DAZL: variants seen among roughly 807,000 people sequenced by gnomAD.
The protein encoded by DAZL is deleted in azoospermia-like.
In DAZL, 4 loss-of-function variants were observed where a neutral mutation model predicts 45.0. The ratio of observed to expected loss-of-function variants is 0.09; its 90% CI spans 0.04 to 0.20. DAZL has a LOEUF of 0.20. Among genes scored for constraint, DAZL ranks in the 10% least tolerant of loss-of-function variants. The pLI is 1.00. For missense variants in DAZL, 326 were observed against 351.3 expected (o/e 0.93, Z 0.58); for synonymous variants, 122 against 112.4 (o/e 1.09, Z -0.54).
At chr3:16,604,211 G>A (rs535618841) in intron 1 of DAZL, among the ~76,000 whole-genome samples, 8 of 152,238 alleles carry the variant, frequency 5.3e-5, no homozygotes, top group South Asian at 2.1e-4. Context: ...CACACACACA[G>A]CATGTAATAC....
chr3:16,589,623 T>C (rs1694487996), intron 10 of DAZL, among the ~76,000 whole-genome samples: 1 of 152,154 alleles, frequency 6.6e-6, no homozygotes, highest in African/African-American at 2.4e-5. Context: ...TCAAATTCAA[T>C]ACAACAACAT....
chr3:16,588,425 T>C lies in DAZL; in HGVS notation c.*235A>G, dbSNP rs188447697. The C allele has an allele frequency of 5.2e-3, 1,856 of 358,670 alleles. 84 individuals carry two copies. The Admixed American group carries it at 0.067, about 13-fold the overall frequency. 22.2% of individuals were successfully genotyped at this position (358,670 alleles called of 1,614,324 possible). ...AAAATCCTTGCAGATAAATCTTAGTTTCTTTCAGTCTCAATTATTTTTTTA... is the reference window on the plus strand; with the variant it reads ...AAAATCCTTGCAGATAAATCTTAGTCTCTTTCAGTCTCAATTATTTTTTTA... On this transcript the variant is annotated 3_prime_UTR_variant, in exon 11 of 11. Transcript: ENST00000399444.
At chr3:16,591,910 TG>T in intron 10 of DAZL, 139 bp downstream of exon 10, 1 of 957,498 alleles carries the variant, frequency 1.0e-6, no homozygotes, top group Non-Finnish European at 1.6e-6. Flanking sequence ...AAACCCACTC[TG>T]GTTTACTGTG....
Position 16,601,898 on chromosome 3 carries a change from C to T in DAZL, c.4-3300G>A, listed in dbSNP as rs896427836. ...AATTATTATGTAACTCCTGGGATGT[C>T]AGCTTCTTTCACAGTATTATCTAAT... On this transcript the variant is annotated intron_variant, in intron 1 of 10. Transcript: ENST00000399444. Among the ~76,000 whole-genome samples, 3 of 152,310 alleles carry T rather than the reference C, an allele frequency of 2.0e-5. No homozygotes were observed. In the South Asian group the frequency reaches 6.2e-4, roughly 32 times the overall value.
rs912128999 is a variant in DAZL at position 16,596,743 on chromosome 3, T to C, written c.498+7A>G. The C allele has an allele frequency of 6.2e-7, 1 of 1,613,518 alleles. No individual in the cohort carries two copies. Among genetic ancestry groups the C allele is most frequent in the Non-Finnish European group, 8.5e-7 (1 of 1,179,528 alleles). On this transcript the variant is annotated splice_region_variant and intron_variant, in intron 6 of 10. Coordinates refer to ENST00000399444, the MANE Select transcript of DAZL (RefSeq NM_001351.4). ...ACAAGAGAATAGGAACGTTAAGCAA[T>C]TCTTACCTGAACATACTGAGTTATA...
At chr3:16,589,692 G>A (rs1294803313) in intron 10 of DAZL, among the ~76,000 whole-genome samples, 2 of 152,002 alleles carry the variant, frequency 1.3e-5, no homozygotes, top group African/African-American at 2.4e-5. Context: ...CTTCTGATTC[G>A]TCTCCCAAAC....
chr3:16,604,982 C>T (rs1026210788), intron 1 of DAZL, among the ~76,000 whole-genome samples: 1 of 152,244 alleles, frequency 6.6e-6, no homozygotes, highest in Non-Finnish European at 1.5e-5. Flanking sequence ...CCACCCCCAC[C>T]TTGCCGCCCT....
In DAZL at chr3:16,593,776, T is replaced by TA; in HGVS notation, c.622-9dup. On this transcript the variant is annotated splice_polypyrimidine_tract_variant and intron_variant, in intron 8 of 10. Transcript: ENST00000399444. ...GTTAACAGCTGAATAAGCCTATATT[T>TA]AAAATAATGAAAGTGTAATTAAACA... is the stretch of plus-strand genomic sequence containing the variant. 6.4e-7 allele frequency: 1 copy of TA among 1,562,072 alleles called. No individual in the cohort carries two copies. The highest frequency in any genetic ancestry group is 8.8e-7 in the Non-Finnish European group (1 of 1,134,934).
At chr3:16,604,693 TAAG>T (rs1694747999) in intron 1 of DAZL, 1 of 1,354,954 alleles carries the variant, frequency 7.4e-7, no homozygotes, top group Non-Finnish European at 9.4e-7. Context: ...CCTCGAAGTT[TAAG>T]AAGGCAAGTC....
Position 16,592,270 on chromosome 3 carries a change from A to G in DAZL, c.736-122T>C, listed in dbSNP as rs555321632. On this transcript the variant is annotated intron_variant, in intron 9 of 10. Transcript: ENST00000399444. The stretch of plus-strand genomic sequence containing the variant: ...TTCTAAAGAAATGCAAAAAATGCTA[A>G]AAGAGACTGGGAGTGGTGGCTCACG... The G allele has an allele frequency of 3.5e-6, 5 of 1,440,866 alleles. 1 individual carries two copies. The highest frequency in any genetic ancestry group is 1.4e-5 in the African/African-American group (1 of 69,758). 89.3% of individuals were successfully genotyped at this position (1,440,866 alleles called of 1,614,324 possible).
At chr3:16,598,023 T>G (rs1010275891) in intron 3 of DAZL, 64 bp downstream of exon 3, 3 of 1,374,820 alleles carry the variant, frequency 2.2e-6, no homozygotes, top group African/African-American at 1.4e-5. Flanking sequence ...AATACCAATT[T>G]TGAAGTCTTC....
chr3:16,600,154 CA>C (rs1694661289), intron 1 of DAZL, among the ~76,000 whole-genome samples: 1 of 151,880 alleles, frequency 6.6e-6, no homozygotes, highest in South Asian at 2.1e-4. Flanking sequence ...AAGGTAACTA[CA>C]AAAAGCTGCA....
intron 4 of DAZL, 105 bp downstream of exon 4, chr3:16,597,385 C>T (rs978826528): frequency 1.1e-6 from 1 of 874,520 alleles, no homozygotes; most frequent in Admixed American, 2.0e-5. Flanking sequence ...TTTTTTTGAC[C>T]AGAAAGTGTA....
At chr3:16,604,051 C>T (rs1189917155) in intron 1 of DAZL, among the ~76,000 whole-genome samples, 3 of 152,138 alleles carry the variant, frequency 2.0e-5, no homozygotes, top group African/African-American at 7.2e-5. Context: ...TTACTTACAA[C>T]TCAAGGTGAT....
chr3:16,598,035 C>CT, intron 3 of DAZL, 52 bp downstream of exon 3: 2 of 1,421,646 alleles, frequency 1.4e-6, no homozygotes, highest in Non-Finnish European at 9.8e-7. Flanking sequence ...GAAGTCTTCT[C>CT]TGATACTCTA....
intron 9 of DAZL, 27 bp from the exon 10 acceptor site, chr3:16,592,175 TAA>T (rs1166541897): frequency 6.2e-7 from 1 of 1,607,774 alleles, no homozygotes; most frequent in South Asian, 1.1e-5. Context: ...TTCAGTAATG[TAA>T]AGACGACTCT....
chr3:16,596,630 ATCAC>A (rs1442312081), intron 6 of DAZL, 116 bp downstream of exon 6: 3 of 1,083,706 alleles, frequency 2.8e-6, no homozygotes, highest in Non-Finnish European at 2.8e-6. Context: ...TAAATTTCCC[ATCAC>A]TCAAAGTATT....
At chr3:16,596,070 T>A (rs147150661) in intron 6 of DAZL, among the ~76,000 whole-genome samples, 4 of 152,118 alleles carry the variant, frequency 2.6e-5, no homozygotes, top group Non-Finnish European at 5.9e-5. Context: ...ACATTTCAAG[T>A]ACATGGAAAA....
At chr3:16,601,542 T>A (rs1385953174) in intron 1 of DAZL, among the ~76,000 whole-genome samples, 6 of 152,174 alleles carry the variant, frequency 3.9e-5, no homozygotes, top group Non-Finnish European at 8.8e-5. Context: ...ATAATTATAA[T>A]GTATATATAA....
Sources: allele counts gnomAD v4.1 joint callset (sites outside exome capture counted in the v4.1 genomes callset), GRCh38; gene constraint gnomAD v4.1.1; transcripts MANE v1.5; gene names NCBI Gene and HGNC (gene_info 2026-07-23, HGNC 2026-07-21).